The following GRM7 variants were observed in gnomAD, a reference collection of about 807,000 sequenced individuals.
GRM7 encodes metabotropic glutamate receptor 7.
In GRM7, 35 loss-of-function variants were observed where a neutral mutation model predicts 84.5. The observed-to-expected ratio is 0.41, with a 90% CI of 0.32 to 0.55. The LOEUF is 0.55. GRM7 is among the 20% of genes least tolerant of loss of function. GRM7 has a pLI of 0.19. For missense variants in GRM7, 1,003 were observed against 1,194.6 expected, an observed-to-expected ratio of 0.84 and a Z score of 2.36; for synonymous variants, 487 against 455.1, an observed-to-expected ratio of 1.07 and a Z score of -0.89.
At chr3:7,642,919 C>T (rs961472370) in intron 8 of GRM7, among the ~76,000 whole-genome samples, 3 of 152,036 alleles carry the variant, frequency 2.0e-5, no homozygotes, top group Admixed American at 2.0e-4. Flanking sequence ...TTGTTATCTA[C>T]AAGCAGAGAA....
chr3:6,885,669 A>G (rs905409967), intron 1 of GRM7, among the ~76,000 whole-genome samples: 2 of 152,216 alleles, frequency 1.3e-5, no homozygotes, highest in Admixed American at 6.5e-5. Flanking sequence ...TAAGGGAGGT[A>G]TTATGAAGAC....
At chr3:7,282,160 A>G (rs1699275379) in intron 2 of GRM7, among the ~76,000 whole-genome samples, 1 of 152,236 alleles carries the variant, frequency 6.6e-6, no homozygotes, top group South Asian at 2.1e-4. Flanking sequence ...TTAAAACATT[A>G]GAATCCCATG....
intron 2 of GRM7, among the ~76,000 whole-genome samples, chr3:7,158,065 G>A (rs1694511033): frequency 6.6e-6 from 1 of 152,142 alleles, no homozygotes; most frequent in African/African-American, 2.4e-5. Context: ...GCTTTATAGA[G>A]TCTACTGTTT....
chr3:7,245,280 C>A (rs1051396470), intron 2 of GRM7, among the ~76,000 whole-genome samples: 39 of 151,648 alleles, frequency 2.6e-4, no homozygotes, highest in African/African-American at 8.7e-4. Flanking sequence ...TGACAGAAAA[C>A]AAGAACCTCT....
intron 9 of GRM7, among the ~76,000 whole-genome samples, chr3:7,684,091 T>C (rs1429876267): frequency 6.6e-6 from 1 of 152,122 alleles, no homozygotes; most frequent in African/African-American, 2.4e-5. Context: ...TGCATGTATA[T>C]AGGAAAAGAA....
At chr3:7,052,894 C>A (rs146706102) in intron 1 of GRM7, among the ~76,000 whole-genome samples, 1 of 151,270 alleles carries the variant, frequency 6.6e-6, no homozygotes, top group African/African-American at 2.4e-5. Context: ...CCTTAAATTT[C>A]TCTTGCATAA....
chr3:7,502,588 G>T (rs1432427691), intron 7 of GRM7, among the ~76,000 whole-genome samples: 1 of 152,128 alleles, frequency 6.6e-6, no homozygotes, highest in Non-Finnish European at 1.5e-5. Context: ...GTGTGTATGT[G>T]TGTGTGTGCA....
intron 7 of GRM7, among the ~76,000 whole-genome samples, chr3:7,522,914 C>T (rs185220847): frequency 6.6e-6 from 1 of 152,248 alleles, no homozygotes; most frequent in African/African-American, 2.4e-5. Flanking sequence ...AGAGGTAGTG[C>T]TCTGTCTTCT....
At chr3:7,378,145 A>T (rs1161268519) in intron 4 of GRM7, among the ~76,000 whole-genome samples, 1 of 152,198 alleles carries the variant, frequency 6.6e-6, no homozygotes, top group Non-Finnish European at 1.5e-5. Context: ...TCGGTGTGGG[A>T]TGGCTGCACA....
intron 4 of GRM7, among the ~76,000 whole-genome samples, chr3:7,346,531 A>G (rs1328024541): frequency 6.6e-6 from 1 of 152,098 alleles, no homozygotes; most frequent in African/African-American, 2.4e-5. Context: ...TTCCAGGGGG[A>G]TGCAAAGAGA....
At chr3:7,434,802 C>T (rs1045854223) in intron 5 of GRM7, among the ~76,000 whole-genome samples, 9 of 151,836 alleles carry the variant, frequency 5.9e-5, no homozygotes, top group Non-Finnish European at 1.0e-4. Context: ...ATGCTGGACA[C>T]AAAAAAATGA....
intron 8 of GRM7, among the ~76,000 whole-genome samples, chr3:7,631,866 G>A (rs1697873718): frequency 6.6e-6 from 1 of 152,166 alleles, no homozygotes; most frequent in South Asian, 2.1e-4. Context: ...GAATGTGTGT[G>A]TCTGTGTGTG....
chr3:7,733,005 A>G (rs1265494826), intron 9 of GRM7, among the ~76,000 whole-genome samples: 2 of 152,182 alleles, frequency 1.3e-5, no homozygotes, highest in African/African-American at 4.8e-5. Flanking sequence ...TGATGTGGCT[A>G]TGGCATTTGT....
In GRM7 at chr3:7,603,447, T is replaced by C. The variant is rs547913996; in HGVS notation, c.2451+24090T>C. Among the ~76,000 whole-genome samples, 72 of 152,228 alleles carry C rather than the reference T, an allele frequency of 4.7e-4. 2 individuals are homozygous for C. In the Middle Eastern group the frequency reaches 0.014, roughly 29 times the overall value. On this transcript the variant is annotated intron_variant, in intron 8 of 9. Transcript: ENST00000357716. ...TGACAAGTCACAGAGATCAGGACCC[T>C]TGATAGGCCATAAATAGCACTGAGG... is the stretch of plus-strand genomic sequence containing the variant.
intron 5 of GRM7, among the ~76,000 whole-genome samples, chr3:7,435,849 ATC>A (rs1401094893): frequency 1.0e-5 from 1 of 98,570 alleles, no homozygotes; most frequent in Non-Finnish European, 2.1e-5. Flanking sequence ...CACCACACCC[ATC>A]TTTTTTTTTT....
intron 4 of GRM7, among the ~76,000 whole-genome samples, chr3:7,413,022 A>G (rs1210846264): frequency 6.6e-6 from 1 of 152,080 alleles, no homozygotes; most frequent in Non-Finnish European, 1.5e-5. Flanking sequence ...TTATATTAAT[A>G]GAGTTATTCT....
intron 8 of GRM7, among the ~76,000 whole-genome samples, chr3:7,592,799 A>G (rs570194383): frequency 1.7e-4 from 26 of 152,318 alleles, no homozygotes; most frequent in South Asian, 1.7e-3. Context: ...TATGGAACCG[A>G]GAAACCTTCA....
intron 6 of GRM7, among the ~76,000 whole-genome samples, chr3:7,454,081 T>TACACACACACACAC (rs141029901): frequency 0.089 from 12,688 of 142,470 alleles, 695 homozygotes; most frequent in South Asian, 0.22. Context: ...CATGAAAAGC[T>TACACACACACACAC]ACACACACAC....
chr3:7,475,419 G>A (rs1056611175), intron 7 of GRM7, among the ~76,000 whole-genome samples: 1 of 152,128 alleles, frequency 6.6e-6, no homozygotes, highest in Non-Finnish European at 1.5e-5. Flanking sequence ...CATTGATGTT[G>A]GTAGTCAGTT....
Sources: gnomAD v4.1 joint callset for allele counts (sites outside exome capture counted in the v4.1 genomes callset) on GRCh38, gnomAD v4.1.1 for gene constraint, MANE v1.5 for transcripts, NCBI Gene and HGNC (gene_info 2026-07-23, HGNC 2026-07-21) for gene names.